Variants in SORT1 observed in about 807,000 individuals in gnomAD.
SORT1 encodes the protein sortilin 1, also known as sortilin.
Under a neutral mutation model 101.7 loss-of-function variants are expected in SORT1, and 39 were observed. That is an observed-to-expected ratio of 0.38 (90% CI 0.30 to 0.50). The LOEUF is 0.50. Ranked by LOEUF, SORT1 falls within the 20% of genes least tolerant of loss-of-function variation. The pLI is 0.90. For synonymous variants in SORT1, 396 were observed against 393.7 expected, an observed-to-expected ratio of 1.01 and a Z score of -0.07; for missense variants, 878 against 1,040.4, an observed-to-expected ratio of 0.84 and a Z score of 2.15.
At chr1:109,373,657 G>A (rs1651634729) in intron 1 of SORT1, among the ~76,000 whole-genome samples, 1 of 152,200 alleles carries the variant, frequency 6.6e-6, no homozygotes, top group Non-Finnish European at 1.5e-5. Flanking sequence ...GCCTAAAAAT[G>A]CTTAAAAGCA....
intron 6 of SORT1, among the ~76,000 whole-genome samples, chr1:109,349,813 C>T (rs1649840688): frequency 6.6e-6 from 1 of 152,216 alleles, no homozygotes; most frequent in African/African-American, 2.4e-5. Context: ...TTTATTTAAG[C>T]AATATATTTA....
At chr1:109,335,142 G>T (rs1166022781) in intron 11 of SORT1, among the ~76,000 whole-genome samples, 2 of 152,108 alleles carry the variant, frequency 1.3e-5, no homozygotes, top group East Asian at 1.9e-4. Context: ...GTTACAAGGG[G>T]TGTGTCAGGG....
chr1:109,370,825 T>C (rs1015006133), intron 1 of SORT1, among the ~76,000 whole-genome samples: 4 of 152,206 alleles, frequency 2.6e-5, no homozygotes, highest in African/African-American at 9.6e-5. Flanking sequence ...TAAGCATTTG[T>C]TGAAAATGAT....
intron 1 of SORT1, among the ~76,000 whole-genome samples, chr1:109,394,942 G>A (rs1410216467): frequency 6.6e-6 from 1 of 152,058 alleles, no homozygotes; most frequent in East Asian, 1.9e-4. Context: ...CTGTCATGCT[G>A]ATGCTTTTAT....
intron 3 of SORT1, among the ~76,000 whole-genome samples, chr1:109,360,495 ATTTT>A (rs774193343): frequency 7.6e-6 from 1 of 132,158 alleles, no homozygotes. Flanking sequence ...ACCACACTCA[ATTTT>A]TTTTTTTTTT....
intron 14 of SORT1, among the ~76,000 whole-genome samples, 189 bp from the exon 15 acceptor site, chr1:109,323,310 T>G (rs1168886052): frequency 6.6e-6 from 1 of 152,264 alleles, no homozygotes; most frequent in Non-Finnish European, 1.5e-5. Context: ...CATTTCCTCA[T>G]GCCAAAAGAG....
chr1:109,348,438 A>T (rs1649740270), intron 6 of SORT1, among the ~76,000 whole-genome samples: 1 of 152,038 alleles, frequency 6.6e-6, no homozygotes, highest in Non-Finnish European at 1.5e-5. Context: ...CTTGCATAGG[A>T]TACAAAACAA....
At chr1:109,367,365 A>T (rs184416704) in intron 3 of SORT1, 43 bp downstream of exon 3, 2 of 1,103,824 alleles carry the variant, frequency 1.8e-6, no homozygotes, top group Non-Finnish European at 2.7e-6. Context: ...TATATTCTCA[A>T]TGTTACTTAG....
chr1:109,317,003 C>T (rs1647262175), intron 16 of SORT1, 45 bp from the exon 17 acceptor site: 1 of 1,174,980 alleles, frequency 8.5e-7, no homozygotes, highest in Admixed American at 2.1e-5. Flanking sequence ...AGGATGTATT[C>T]CTGGGTACCT....
Position 109,397,575 on chromosome 1 carries a change from G to T in SORT1, c.306+12C>A. The T allele has an allele frequency of 2.5e-6, 3 of 1,193,990 alleles. No homozygotes were observed. The highest frequency in any genetic ancestry group is 3.1e-6 in the Non-Finnish European group (3 of 957,620). The allele number at this position is 1,193,990 out of a possible 1,614,324, so 74.0% of individuals were successfully genotyped here. A position where few individuals can be genotyped will look rare whatever the true frequency, so the allele number is the denominator to read the frequency against. ...CGCACCCGAGCGGCTCCCGGGCCCG[G>T]CGCCCGCTCACCTGGTGCGTGTTGT... On this transcript the variant is annotated intron_variant, in intron 1 of 19. Transcript: ENST00000256637.
chr1:109,322,925 C>T lies in SORT1; in HGVS notation c.2024+7G>A, dbSNP rs1313338800. On this transcript the variant is annotated splice_region_variant and intron_variant, in intron 15 of 19. Coordinates refer to ENST00000256637, the MANE Select transcript of SORT1 (RefSeq NM_002959.7). ...GGGAGACAGAGAAATCTGAGGAATG[C>T]TGATACCAGAGAAAGTCCTCCAGGG... is the stretch of plus-strand genomic sequence containing the variant. The T allele has an allele frequency of 6.2e-7, 1 of 1,606,150 alleles. No homozygotes were observed. The highest frequency in any genetic ancestry group is 1.3e-5 in the African/African-American group (1 of 74,904).
In SORT1 at chr1:109,314,717, A is replaced by G; in HGVS notation, c.2312T>C (p.Val771Ala). 1 of 1,611,838 alleles carries G rather than the reference A, an allele frequency of 6.2e-7. No homozygotes were observed. The highest frequency in any genetic ancestry group is 8.5e-7 in the Non-Finnish European group (1 of 1,177,940). ...CTTCACAATGAGCACTCCTGCTACG[A>G]CTGTGACCAGCATCAATCCCACGAT... The part of the protein sequence containing the change: ...LAIVGLMLVT[V>A]VAGVLIVKKY... The change falls in exon 18 of 20, where the codon GTC becomes GCC. Residue 771 changes from valine to alanine, a missense_variant. By Grantham distance (64) the Val-to-Ala change is moderately conservative. Around this residue, in one of 2 missense-constraint regions of SORT1, gnomAD observed 684 missense variants for 894.5 expected, o/e 0.76. Coordinates refer to ENST00000256637, the MANE Select transcript of SORT1 (RefSeq NM_002959.7).
chr1:109,362,282 C>G (rs1027899162), intron 3 of SORT1, among the ~76,000 whole-genome samples: 5 of 152,094 alleles, frequency 3.3e-5, no homozygotes, highest in Non-Finnish European at 1.5e-5. Flanking sequence ...CTATATGTCC[C>G]CCTAGGAGCA....
chr1:109,387,518 A>G (rs565660316), intron 1 of SORT1, among the ~76,000 whole-genome samples: 2 of 150,686 alleles, frequency 1.3e-5, no homozygotes, highest in South Asian at 2.1e-4. Flanking sequence ...TTTGTTTAAA[A>G]TTTAAAATTT....
chr1:109,314,678 C>T lies in SORT1; in HGVS notation c.2351G>A (p.Gly784Glu). The change falls in exon 18 of 20, where the codon GGG becomes GAG. Residue 784 changes from glycine (G) to glutamate (E), a missense_variant. By Grantham distance (98) the Gly-to-Glu change is moderately conservative. This residue lies in a region of SORT1 where 684 missense variants were observed against 894.5 expected (regional missense o/e 0.76). Coordinates refer to ENST00000256637, the MANE Select transcript of SORT1 (RefSeq NM_002959.7). ...GVLIVKKYVC[G>E]GRFLVHRYSV... The stretch of plus-strand genomic sequence containing the variant: ...TGACTTCTGTGTTCCTTACCTTCCC[C>T]CACAGACATATTTCTTCACAATGAG... The T allele has an allele frequency of 1.3e-6, 2 of 1,586,676 alleles. No homozygotes were observed. Among genetic ancestry groups the T allele is most frequent in the South Asian group, 1.1e-5 (1 of 90,490 alleles).
At chr1:109,378,825 C>G (rs1652042675) in intron 1 of SORT1, among the ~76,000 whole-genome samples, 1 of 142,272 alleles carries the variant, frequency 7.0e-6, no homozygotes, top group Non-Finnish European at 1.5e-5. Context: ...AGAAGTGAAG[C>G]ATGTTTTGTT....
intron 1 of SORT1, among the ~76,000 whole-genome samples, chr1:109,375,969 G>A (rs1033644008): frequency 7.9e-5 from 12 of 152,118 alleles, no homozygotes; most frequent in Non-Finnish European, 1.5e-4. Flanking sequence ...ATACTGGTGA[G>A]GCTGTGGAGA....
intron 11 of SORT1, among the ~76,000 whole-genome samples, chr1:109,334,128 G>A (rs183854899): frequency 3.9e-5 from 6 of 152,178 alleles, no homozygotes; most frequent in Admixed American, 3.9e-4. Context: ...CCTTGGTGAC[G>A]GGGCAAGACT....
chr1:109,375,674 T>C (rs1208365704), intron 1 of SORT1, among the ~76,000 whole-genome samples: 2 of 149,826 alleles, frequency 1.3e-5, no homozygotes, highest in African/African-American at 4.9e-5. Flanking sequence ...GCACATCATA[T>C]CATAGTCAAA....
Sources: gnomAD v4.1 joint callset for allele counts (sites outside exome capture counted in the v4.1 genomes callset) on GRCh38, gnomAD v4.1.1 for gene constraint, gnomAD v4.1.1 regional missense constraint, MANE v1.5 for transcripts, NCBI Gene and HGNC (gene_info 2026-07-23, HGNC 2026-07-21) for gene names.